Variants in CDKAL1 observed in about 807,000 individuals in gnomAD.
CDKAL1 encodes threonylcarbamoyladenosine tRNA methylthiotransferase.
Under a neutral mutation model 68.2 loss-of-function variants are expected in CDKAL1, and 32 were observed. The ratio of observed to expected loss-of-function variants is 0.47; its 90% CI spans 0.35 to 0.63. The LOEUF is 0.63. Among genes scored for constraint, CDKAL1 ranks in the 30% least tolerant of loss-of-function variants. The pLI, the probability that CDKAL1 is intolerant of heterozygous loss-of-function variation, is 0.00. For missense variants in CDKAL1, 606 were observed against 696.7 expected (o/e 0.87, Z 1.47); for synonymous variants, 234 against 244.3 (o/e 0.96, Z 0.39).
chr6:20,863,274 A>G (rs187655864), intron 9 of CDKAL1, among the ~76,000 whole-genome samples: 272 of 152,184 alleles, frequency 1.8e-3, no homozygotes, highest in Non-Finnish European at 3.0e-3. Context: ...CTCTTCAGCC[A>G]TCATCTCTCC....
chr6:20,815,783 A>G (rs1300223664), intron 8 of CDKAL1, among the ~76,000 whole-genome samples: 2 of 152,192 alleles, frequency 1.3e-5, no homozygotes, highest in Non-Finnish European at 2.9e-5. Flanking sequence ...AACTTCTGGT[A>G]TGTTGGTATG....
At chr6:20,638,576 C>CT (rs919145547) in intron 4 of CDKAL1, among the ~76,000 whole-genome samples, 147 of 150,360 alleles carry the variant, frequency 9.8e-4, no homozygotes, top group African/African-American at 3.4e-3. Flanking sequence ...GTTTATAAAA[C>CT]TTTTTTTGAC....
chr6:20,890,206 A>G (rs1356149709), intron 9 of CDKAL1, among the ~76,000 whole-genome samples: 1 of 152,232 alleles, frequency 6.6e-6, no homozygotes, highest in Non-Finnish European at 1.5e-5. Context: ...TTGGGCAGTT[A>G]CTGCCTGATG....
chr6:20,666,441 G>A (rs1350598730), intron 5 of CDKAL1, among the ~76,000 whole-genome samples: 5 of 150,198 alleles, frequency 3.3e-5, no homozygotes, highest in African/African-American at 1.0e-4. Context: ...TAGCAGTCCT[G>A]TGTTTTATGA....
Position 20,567,313 on chromosome 6 carries a change from G to A in CDKAL1, c.286+18608G>A, listed in dbSNP as rs112798075. Among the ~76,000 whole-genome samples the A allele has an allele frequency of 2.1e-3, 325 of 151,878 alleles. 1 individual carries two copies. The highest frequency in any genetic ancestry group is 3.4e-3 in the Admixed American group (52 of 15,266). ...ACTTCTCTCTAAAATGGTTTATGGA[G>A]TAGTTGTTATGATTAATAAATGGTT... On this transcript the variant is annotated intron_variant, in intron 4 of 15. Coordinates refer to ENST00000274695, the MANE Select transcript of CDKAL1 (RefSeq NM_017774.3).
intron 12 of CDKAL1, among the ~76,000 whole-genome samples, chr6:21,067,911 G>T (rs950378743): frequency 4.6e-5 from 7 of 152,206 alleles, no homozygotes; most frequent in African/African-American, 1.7e-4. Context: ...TGGTGGGAAT[G>T]TAACTTAATT....
At chr6:20,916,858 A>G (rs1167630770) in intron 9 of CDKAL1, among the ~76,000 whole-genome samples, 1 of 152,110 alleles carries the variant, frequency 6.6e-6, no homozygotes, top group Non-Finnish European at 1.5e-5. Flanking sequence ...CTACCTTAGG[A>G]CTAAAGTATA....
intron 9 of CDKAL1, among the ~76,000 whole-genome samples, chr6:20,902,868 A>G (rs1762068722): frequency 6.6e-6 from 1 of 152,104 alleles, no homozygotes; most frequent in Non-Finnish European, 1.5e-5. Context: ...GTGCATTGGG[A>G]CAGAACCCAT....
chr6:20,859,399 A>G (rs1383761369), intron 9 of CDKAL1, among the ~76,000 whole-genome samples: 2 of 152,206 alleles, frequency 1.3e-5, no homozygotes, highest in African/African-American at 4.8e-5. Flanking sequence ...CTATGGTCTT[A>G]ACTACAAATC....
At chr6:20,958,085 A>G (rs1764874364) in intron 10 of CDKAL1, among the ~76,000 whole-genome samples, 1 of 152,094 alleles carries the variant, frequency 6.6e-6, no homozygotes, top group Non-Finnish European at 1.5e-5. Context: ...GCAAAAGATG[A>G]TGAAGTAAAT....
intron 11 of CDKAL1, among the ~76,000 whole-genome samples, chr6:21,057,719 T>C (rs750296758): frequency 1.3e-5 from 2 of 152,186 alleles, no homozygotes; most frequent in Non-Finnish European, 2.9e-5. Flanking sequence ...GTCTCTTTAT[T>C]CTCATTAGTT....
chr6:20,823,538 CATTT>C (rs1457830000), intron 8 of CDKAL1, among the ~76,000 whole-genome samples: 1 of 152,134 alleles, frequency 6.6e-6, no homozygotes, highest in African/African-American at 2.4e-5. Context: ...TGCCAGTGCT[CATTT>C]AATTTTACAT....
intron 10 of CDKAL1, among the ~76,000 whole-genome samples, chr6:20,989,128 C>A (rs1446284995): frequency 6.6e-6 from 1 of 151,650 alleles, no homozygotes; most frequent in African/African-American, 2.4e-5. Flanking sequence ...TACGGTTTAC[C>A]GCAGAAACAG....
At chr6:20,814,606 T>C (rs1459918350) in intron 8 of CDKAL1, among the ~76,000 whole-genome samples, 2 of 152,202 alleles carry the variant, frequency 1.3e-5, no homozygotes, top group Admixed American at 1.3e-4. Flanking sequence ...TTTAATGTTG[T>C]TATGCAGCTA....
chr6:20,626,053 A>C (rs781235283), intron 4 of CDKAL1, among the ~76,000 whole-genome samples: 3 of 152,060 alleles, frequency 2.0e-5, no homozygotes, highest in Admixed American at 6.6e-5. Flanking sequence ...GAATAAGTTC[A>C]CTTTCCCCTA....
At chr6:20,821,351 A>C (rs994767908) in intron 8 of CDKAL1, among the ~76,000 whole-genome samples, 1 of 151,986 alleles carries the variant, frequency 6.6e-6, no homozygotes, top group Non-Finnish European at 1.5e-5. Flanking sequence ...ATCCTAGGGT[A>C]AGCCCCTCCT....
At chr6:20,822,671 A>T (rs898368189) in intron 8 of CDKAL1, among the ~76,000 whole-genome samples, 1 of 152,052 alleles carries the variant, frequency 6.6e-6, no homozygotes, top group South Asian at 2.1e-4. Flanking sequence ...GGTTTCCCCA[A>T]TGTTGTTCTC....
chr6:20,933,693 G>T (rs775667882), intron 9 of CDKAL1, among the ~76,000 whole-genome samples: 20 of 152,166 alleles, frequency 1.3e-4, no homozygotes, highest in Non-Finnish European at 2.8e-4. Context: ...ATTTGTCAAG[G>T]TAAGTGTATA....
At chr6:20,552,364 G>A (rs1191077540) in intron 4 of CDKAL1, among the ~76,000 whole-genome samples, 1 of 151,190 alleles carries the variant, frequency 6.6e-6, no homozygotes, top group African/African-American at 2.4e-5. Context: ...AAAAGGCCCT[G>A]AGATAATTTC....
Sources: gnomAD v4.1 joint callset for allele counts (sites outside exome capture counted in the v4.1 genomes callset) on GRCh38, gnomAD v4.1.1 for gene constraint, MANE v1.5 for transcripts, NCBI Gene and HGNC (gene_info 2026-07-23, HGNC 2026-07-21) for gene names.